Variants in C10orf90 observed in about 807,000 individuals in gnomAD.
The protein encoded by C10orf90 is (E2-independent) E3 ubiquitin-conjugating enzyme FATS.
C10orf90 carries 56 observed loss-of-function variants against 62.5 expected under a neutral mutation model. The ratio of observed to expected loss-of-function variants is 0.90; its 90% confidence interval spans 0.72 to 1.12. The LOEUF (loss-of-function observed/expected upper bound fraction) is 1.12. Ranked by LOEUF, C10orf90 falls within the 50% of genes most tolerant of loss-of-function variation. The pLI is 0.00. For missense variants in C10orf90, 970 were observed against 880.4 expected (o/e 1.10, Z -1.29); for synonymous variants, 386 against 340.4 (o/e 1.13, Z -1.47).
intron 7 of C10orf90, among the ~76,000 whole-genome samples, chr10:126,436,934 T>TA (rs1857962125): frequency 6.6e-6 from 1 of 152,130 alleles, no homozygotes; most frequent in African/African-American, 2.4e-5. Flanking sequence ...AAAATGCTGG[T>TA]ATTACAGGTA....
Position 126,522,463 on chromosome 10 carries a change from T to G in C10orf90, c.314-8524A>C, listed in dbSNP as rs562992620. Among the ~76,000 whole-genome samples the G allele has an allele frequency of 3.1e-4, 47 of 152,342 alleles. No individual in the cohort carries two copies. The South Asian group carries it at 7.9e-3, about 26-fold the overall frequency. On this transcript the variant is annotated intron_variant, in intron 2 of 9. Transcript: ENST00000488181. Reference sequence around the variant, plus strand: ...GATAAAGCCTCAGTCATTACATAAATGCATAGTGGCTTTGTAAGCAGTTTC... The same window carrying G: ...GATAAAGCCTCAGTCATTACATAAAGGCATAGTGGCTTTGTAAGCAGTTTC...
At chr10:126,437,122 C>T (rs2134008660) in intron 7 of C10orf90, among the ~76,000 whole-genome samples, 1 of 152,332 alleles carries the variant, frequency 6.6e-6, no homozygotes, top group South Asian at 2.1e-4. Flanking sequence ...CTTCTCTCCT[C>T]TTTACAGGGG....
chr10:126,445,710 C>T (rs1237826737), intron 7 of C10orf90, among the ~76,000 whole-genome samples: 1 of 151,800 alleles, frequency 6.6e-6, no homozygotes, highest in East Asian at 1.9e-4. Context: ...AAGATACTTG[C>T]ACATGCATGT....
intron 2 of C10orf90, among the ~76,000 whole-genome samples, chr10:126,590,517 C>T (rs138695894): frequency 6.6e-6 from 1 of 152,264 alleles, no homozygotes; most frequent in African/African-American, 2.4e-5. Context: ...AAAATTAGAA[C>T]TTAATATTAA....
intron 2 of C10orf90, among the ~76,000 whole-genome samples, chr10:126,623,839 TCA>T (rs376936048): frequency 0.58 from 78,955 of 136,278 alleles, 22,012 homozygotes; most frequent in Middle Eastern, 0.69. Flanking sequence ...AGACTCCATC[TCA>T]AAAAAAAAAA....
intron 1 of C10orf90, among the ~76,000 whole-genome samples, chr10:126,649,287 G>T (rs568331989): frequency 1.3e-5 from 2 of 152,180 alleles, no homozygotes; most frequent in Non-Finnish European, 2.9e-5. Context: ...ACTTGGCGTG[G>T]ACTCTACTTT....
chr10:126,573,549 A>C (rs1844551447), intron 2 of C10orf90, among the ~76,000 whole-genome samples: 1 of 152,146 alleles, frequency 6.6e-6, no homozygotes, highest in African/African-American at 2.4e-5. Context: ...CGGGGTCTGG[A>C]TCAGGACCCC....
chr10:126,633,954 G>C (rs1845900302), intron 2 of C10orf90, among the ~76,000 whole-genome samples: 1 of 152,140 alleles, frequency 6.6e-6, no homozygotes, highest in South Asian at 2.1e-4. Context: ...CTGTCAGAAT[G>C]GCTGTTATCA....
intron 1 of C10orf90, among the ~76,000 whole-genome samples, chr10:126,655,584 A>G (rs976203356): frequency 6.6e-6 from 1 of 152,196 alleles, no homozygotes; most frequent in Non-Finnish European, 1.5e-5. Flanking sequence ...TGAGCTGATG[A>G]TTCTAGAACT....
At chr10:126,560,112 T>G (rs1386444585) in intron 2 of C10orf90, among the ~76,000 whole-genome samples, 1 of 152,170 alleles carries the variant, frequency 6.6e-6, no homozygotes, top group African/African-American at 2.4e-5. Flanking sequence ...ATTATATTTC[T>G]ATACAACTGC....
chr10:126,573,389 T>G (rs989766322), intron 2 of C10orf90, among the ~76,000 whole-genome samples: 1 of 152,234 alleles, frequency 6.6e-6, no homozygotes, highest in Non-Finnish European at 1.5e-5. Context: ...GCTGTCTGCC[T>G]GTGGGTTTCA....
Position 126,553,118 on chromosome 10 carries a change from A to G in C10orf90, c.314-39179T>C, listed in dbSNP as rs145757141. 4.9e-3 allele frequency among the ~76,000 whole-genome samples: 741 copies of G among 152,324 alleles called. 7 individuals carry two copies. Among genetic ancestry groups the G allele is most frequent in the African/African-American group, 0.016 (681 of 41,590 alleles). On this transcript the variant is annotated intron_variant, in intron 2 of 9. Coordinates refer to ENST00000488181, the MANE Select transcript of C10orf90 (RefSeq NM_001350921.2). Reference sequence around the variant, plus strand: ...TGATCTTGGCACAAAGATTTCTTTAAAAGGATACAGAAAAGCTCTGATTTT... The same window carrying G: ...TGATCTTGGCACAAAGATTTCTTTAGAAGGATACAGAAAAGCTCTGATTTT...
intron 2 of C10orf90, among the ~76,000 whole-genome samples, chr10:126,619,233 T>C (rs1845599424): frequency 6.6e-6 from 1 of 152,222 alleles, no homozygotes. Flanking sequence ...CATTAATGCC[T>C]ATTCAGAATA....
intron 2 of C10orf90, among the ~76,000 whole-genome samples, chr10:126,537,295 C>T (rs1864262953): frequency 6.6e-6 from 1 of 152,134 alleles, no homozygotes; most frequent in African/African-American, 2.4e-5. Flanking sequence ...TTAAATTATC[C>T]TCAGTTCTCT....
chr10:126,542,973 A>C (rs1864411440), intron 2 of C10orf90, among the ~76,000 whole-genome samples: 1 of 152,218 alleles, frequency 6.6e-6, no homozygotes, highest in Admixed American at 6.5e-5. Context: ...CAAATTTAAA[A>C]ATTTTAAAAA....
At chr10:126,641,834 T>A (rs1317598370) in intron 2 of C10orf90, among the ~76,000 whole-genome samples, 1 of 152,158 alleles carries the variant, frequency 6.6e-6, no homozygotes, top group Non-Finnish European at 1.5e-5. Context: ...AGTAAACTAA[T>A]CTTTTACACA....
chr10:126,664,221 G>A (rs561918537), intron 1 of C10orf90, among the ~76,000 whole-genome samples: 1 of 152,302 alleles, frequency 6.6e-6, no homozygotes, highest in South Asian at 2.1e-4. Context: ...GACGCTCTGA[G>A]TGTGGGGAAG....
chr10:126,547,027 G>A (rs1864508190), intron 2 of C10orf90, among the ~76,000 whole-genome samples: 1 of 152,188 alleles, frequency 6.6e-6, no homozygotes, highest in African/African-American at 2.4e-5. Flanking sequence ...TCAGGAGGCT[G>A]AGGCACAGGA....
In C10orf90 at chr10:126,571,645, G is replaced by A. The variant is rs932374978; in HGVS notation, c.314-57706C>T. Among the ~76,000 whole-genome samples the A allele has an allele frequency of 7.2e-5, 11 of 152,202 alleles. No homozygotes were observed. In the South Asian group the frequency reaches 1.0e-3, roughly 14 times the overall value. ...GGCTTGAAAGGAGAAGTGTCTCCGG[G>A]AATAAGCAAGTGGGACCTGGGGCAC... On this transcript the variant is annotated intron_variant, in intron 2 of 9. Coordinates refer to ENST00000488181, the MANE Select transcript of C10orf90 (RefSeq NM_001350921.2).
Sources: gnomAD v4.1 joint callset for allele counts (sites outside exome capture counted in the v4.1 genomes callset) on GRCh38, gnomAD v4.1.1 for gene constraint, MANE v1.5 for transcripts, NCBI Gene and HGNC (gene_info 2026-07-23, HGNC 2026-07-21) for gene names.